PIBF1: variants seen among roughly 807,000 people sequenced by gnomAD.
The protein encoded by PIBF1 is progesterone immunomodulatory binding factor 1.
A neutral mutation model predicts 112.5 loss-of-function variants in PIBF1; 90 were observed. The observed-to-expected ratio is 0.80, with a 90% confidence interval of 0.67 to 0.95. The LOEUF is 0.95. PIBF1 is among the 40% of genes least tolerant of loss of function. The probability of loss-of-function intolerance (pLI) is 0.00; values close to 1 mark genes in which losing one functional copy is unlikely to be tolerated. For missense variants in PIBF1, 915 were observed against 852.3 expected (o/e 1.07, Z -0.92); for synonymous variants, 301 against 288.6 (o/e 1.04, Z -0.44).
intron 9 of PIBF1, among the ~76,000 whole-genome samples, chr13:72,845,023 A>G (rs1275585731): frequency 6.6e-6 from 1 of 151,918 alleles, no homozygotes; most frequent in Admixed American, 6.6e-5. Context: ...CAGAACATGT[A>G]GGTTTGTTGC....
chr13:73,011,627 A>T (rs1364665877), intron 17 of PIBF1, among the ~76,000 whole-genome samples: 1 of 151,904 alleles, frequency 6.6e-6, no homozygotes, highest in African/African-American at 2.4e-5. Context: ...AAACTGAGAA[A>T]CGTGTGTAAA....
intron 16 of PIBF1, among the ~76,000 whole-genome samples, chr13:72,986,836 G>A (rs927742248): frequency 3.3e-5 from 5 of 151,978 alleles, no homozygotes; most frequent in Admixed American, 6.6e-5. Context: ...GACTACAGGC[G>A]CCCGCCACCG....
chr13:72,784,653 C>G (rs980931571), intron 2 of PIBF1, among the ~76,000 whole-genome samples: 1 of 149,702 alleles, frequency 6.7e-6, no homozygotes, highest in Non-Finnish European at 1.5e-5. Flanking sequence ...CAGCTACTTC[C>G]GAGGCTGAGG....
At chr13:72,951,693 G>C (rs1290867251) in intron 14 of PIBF1, among the ~76,000 whole-genome samples, 4 of 152,030 alleles carry the variant, frequency 2.6e-5, no homozygotes, top group Non-Finnish European at 5.9e-5. Flanking sequence ...CTGGTGTCGT[G>C]CATTCTATGG....
At chr13:72,917,336 TTAAA>T (rs1473817684) in intron 13 of PIBF1, among the ~76,000 whole-genome samples, 170 bp downstream of exon 13, 1 of 152,082 alleles carries the variant, frequency 6.6e-6, no homozygotes, top group Non-Finnish European at 1.5e-5. Context: ...TCATATATAT[TTAAA>T]TAAATTTAGT....
intron 10 of PIBF1, among the ~76,000 whole-genome samples, chr13:72,878,019 G>C (rs1359616401): frequency 2.0e-5 from 3 of 152,030 alleles, no homozygotes; most frequent in Non-Finnish European, 4.4e-5. Flanking sequence ...AAAGTGCTGG[G>C]ATTACAGGTG....
At chr13:72,917,709 A>T (rs146768655) in intron 13 of PIBF1, among the ~76,000 whole-genome samples, 14 of 152,352 alleles carry the variant, frequency 9.2e-5, no homozygotes, top group Admixed American at 7.2e-4. Flanking sequence ...GAATTCAACC[A>T]ACCGCTTATC....
In PIBF1 at chr13:72,858,199, G is replaced by A. The variant is rs137971354; in HGVS notation, c.1322+4044G>A. ...CCTGAGTAGCTGGGATTACAGGCAC[G>A]TGCCACCACACCCGGCTAATTTATG... On this transcript the variant is annotated intron_variant, in intron 10 of 17. Coordinates refer to ENST00000326291, the MANE Select transcript of PIBF1 (RefSeq NM_006346.4). Among the ~76,000 whole-genome samples, 1,061 of 152,082 alleles carry A rather than the reference G, an allele frequency of 7.0e-3. 22 individuals carry two copies. Among genetic ancestry groups the A allele is most frequent in the African/African-American group, 0.024 (994 of 41,486 alleles).
intron 9 of PIBF1, among the ~76,000 whole-genome samples, chr13:72,850,219 C>T (rs1447678142): frequency 6.6e-6 from 1 of 152,170 alleles, no homozygotes; most frequent in Non-Finnish European, 1.5e-5. Flanking sequence ...TGGTAGAAGC[C>T]TTAGCTTCTT....
At chr13:72,886,737 G>A (rs909546292) in intron 10 of PIBF1, among the ~76,000 whole-genome samples, 9 of 151,978 alleles carry the variant, frequency 5.9e-5, no homozygotes, top group African/African-American at 1.7e-4. Flanking sequence ...AACATACTCA[G>A]CATTTTTAAC....
At chr13:72,934,590 A>T (rs551095948) in intron 14 of PIBF1, among the ~76,000 whole-genome samples, 1 of 152,336 alleles carries the variant, frequency 6.6e-6, no homozygotes, top group East Asian at 1.9e-4. Flanking sequence ...CAGATGAAAT[A>T]CTGATAACTA....
chr13:72,901,020 C>G (rs2040462844), intron 11 of PIBF1: 1 of 425,804 alleles, frequency 2.3e-6, no homozygotes, highest in Non-Finnish European at 4.6e-6. Flanking sequence ...AAAACTCCGT[C>G]TCAAAACAAA....
intron 16 of PIBF1, among the ~76,000 whole-genome samples, chr13:72,994,689 G>A (rs890468483): frequency 3.3e-5 from 5 of 152,170 alleles, no homozygotes; most frequent in African/African-American, 1.2e-4. Context: ...AGCGGAATCT[G>A]AAATACGAGA....
At chr13:72,828,538 G>C (rs1327365671) in intron 8 of PIBF1, among the ~76,000 whole-genome samples, 1 of 152,052 alleles carries the variant, frequency 6.6e-6, no homozygotes, top group East Asian at 1.9e-4. Flanking sequence ...TTGGTTTTCT[G>C]TTCTTGTGAT....
intron 11 of PIBF1, among the ~76,000 whole-genome samples, chr13:72,901,866 C>T (rs569938594): frequency 1.3e-5 from 2 of 152,072 alleles, no homozygotes; most frequent in South Asian, 4.2e-4. Context: ...GGGCATCTAC[C>T]CAAAGGAAAA....
chr13:72,897,031 C>T (rs1272449702), intron 11 of PIBF1, among the ~76,000 whole-genome samples: 2 of 152,142 alleles, frequency 1.3e-5, no homozygotes, highest in African/African-American at 4.8e-5. Context: ...AGGAAAGAAT[C>T]TTAAGAGCTG....
chr13:72,797,486 G>C (rs2035251574), intron 4 of PIBF1, among the ~76,000 whole-genome samples: 1 of 152,176 alleles, frequency 6.6e-6, no homozygotes, highest in Non-Finnish European at 1.5e-5. Flanking sequence ...TTACTAACAA[G>C]GTAATATTTG....
At chr13:72,803,385 T>C (rs1449198295) in intron 5 of PIBF1, among the ~76,000 whole-genome samples, 2 of 152,120 alleles carry the variant, frequency 1.3e-5, no homozygotes, top group African/African-American at 2.4e-5. Flanking sequence ...ACCAACAGTG[T>C]AGGTAGTACT....
chr13:72,958,267 G>A (rs181294891), intron 14 of PIBF1, among the ~76,000 whole-genome samples: 34 of 125,642 alleles, frequency 2.7e-4, no homozygotes, highest in Admixed American at 1.1e-3. Flanking sequence ...CTATGATTCC[G>A]CCACTGCACT....
Sources: gnomAD v4.1 joint callset for allele counts (sites outside exome capture counted in the v4.1 genomes callset) on GRCh38, gnomAD v4.1.1 for gene constraint, MANE v1.5 for transcripts, NCBI Gene and HGNC (gene_info 2026-07-23, HGNC 2026-07-21) for gene names.